The following WAC variants were observed in gnomAD, a reference collection of about 807,000 sequenced individuals.
WAC encodes WW domain containing adaptor with coiled-coil.
In WAC, 11 loss-of-function variants were observed where a neutral mutation model predicts 79.6. That is an observed-to-expected ratio of 0.14 (90% CI 0.09 to 0.23). WAC has a LOEUF of 0.23. WAC is among the 10% of genes least tolerant of loss of function. The pLI, the probability that WAC is intolerant of heterozygous loss-of-function variation, is 1.00. For missense variants in WAC, 728 were observed against 773.5 expected, an observed-to-expected ratio of 0.94 and a Z score of 0.70; for synonymous variants, 304 against 276.9, an observed-to-expected ratio of 1.10 and a Z score of -0.97.
chr10:28,533,839 C>A, intron 1 of WAC, 159 bp from the exon 2 acceptor site: 2 of 1,047,392 alleles, frequency 1.9e-6, no homozygotes, highest in Non-Finnish European at 2.7e-6. Context: ...TCCGGCCCTT[C>A]CGGAGGCTCC....
chr10:28,581,238 CTTTTTTTTTTTTT>C (rs71391053), intron 3 of WAC, among the ~76,000 whole-genome samples: 15 of 66,090 alleles, frequency 2.3e-4, no homozygotes, highest in African/African-American at 6.2e-4. Context: ...ATGAGCGATT[CTTTTTTTTTTTTT>C]TTTTTTTTTT....
intron 3 of WAC, among the ~76,000 whole-genome samples, chr10:28,556,658 C>A (rs1002256853): frequency 6.6e-6 from 1 of 151,680 alleles, no homozygotes; most frequent in Admixed American, 6.6e-5. Flanking sequence ...GCTGTTTTGT[C>A]CCCTATGTTT....
chr10:28,574,960 A>G lies in WAC; in HGVS notation c.275-8439A>G, dbSNP rs190622207. On this transcript the variant is annotated intron_variant, in intron 3 of 13. Transcript: ENST00000354911. The stretch of plus-strand genomic sequence containing the variant: ...GATGTTTGAATGAATGAATGAATCA[A>G]TGAATCAAAGAAAAAGTTACATTAA... Among the ~76,000 whole-genome samples the G allele has an allele frequency of 1.0e-4, 15 of 150,094 alleles. No individual in the cohort carries two copies. In the East Asian group the frequency reaches 1.2e-3, roughly 12 times the overall value.
At chr10:28,601,527 T>G (rs1840647918) in intron 7 of WAC, among the ~76,000 whole-genome samples, 2 of 152,168 alleles carry the variant, frequency 1.3e-5, no homozygotes, top group Non-Finnish European at 2.9e-5. Context: ...TTAAACAGAA[T>G]TATGTGTAGG....
intron 3 of WAC, among the ~76,000 whole-genome samples, chr10:28,580,129 C>T (rs1251516231): frequency 6.6e-6 from 1 of 152,198 alleles, no homozygotes; most frequent in African/African-American, 2.4e-5. Flanking sequence ...ATTTCCCCAT[C>T]AACAACTGAT....
chr10:28,561,361 C>T (rs924345589), intron 3 of WAC, among the ~76,000 whole-genome samples: 8 of 152,194 alleles, frequency 5.3e-5, no homozygotes, highest in African/African-American at 1.9e-4. Context: ...TAACCCTTCT[C>T]TTCCCAGAAT....
At chr10:28,567,169 C>G (rs1416605411) in intron 3 of WAC, among the ~76,000 whole-genome samples, 1 of 151,482 alleles carries the variant, frequency 6.6e-6, no homozygotes, top group Non-Finnish European at 1.5e-5. Flanking sequence ...TCCTTAAGTT[C>G]CTCTAAATTC....
chr10:28,612,234 C>T (rs1420135192), intron 10 of WAC, among the ~76,000 whole-genome samples: 1 of 152,192 alleles, frequency 6.6e-6, no homozygotes, highest in African/African-American at 2.4e-5. Context: ...CTCCAAAAGA[C>T]ATGAATGAAC....
rs534405615 is a variant in WAC, at chr10:28,539,216, C to T, written c.274+3459C>T. 3.4e-4 allele frequency among the ~76,000 whole-genome samples: 52 copies of T among 152,210 alleles called. No individual in the cohort carries two copies. The East Asian group carries it at 6.6e-3, about 19-fold the overall frequency. On this transcript the variant is annotated intron_variant, in intron 3 of 13. Transcript: ENST00000354911. ...CTAGATTTCTTAGCATCTTGGATTT[C>T]ATTGAAAAATGCTCGTTCAGAAGTA...
chr10:28,589,943 T>C (rs1840003282), intron 5 of WAC, 92 bp downstream of exon 5: 1 of 902,548 alleles, frequency 1.1e-6, no homozygotes, highest in Non-Finnish European at 1.8e-6. Context: ...ATTTAGCTTT[T>C]TTATAGTGCT....
intron 3 of WAC, among the ~76,000 whole-genome samples, chr10:28,552,281 T>G (rs1212553167): frequency 6.6e-6 from 1 of 152,234 alleles, no homozygotes; most frequent in African/African-American, 2.4e-5. Flanking sequence ...TGCAGTGATG[T>G]ATCGTTATGG....
chr10:28,611,385 G>A (rs1272882627), intron 9 of WAC: 1 of 1,299,878 alleles, frequency 7.7e-7, no homozygotes, highest in African/African-American at 1.5e-5. Context: ...GTATAATGGT[G>A]CAAAGACTCT....
chr10:28,573,790 G>C (rs1839101356), intron 3 of WAC, among the ~76,000 whole-genome samples: 1 of 152,100 alleles, frequency 6.6e-6, no homozygotes, highest in Non-Finnish European at 1.5e-5. Context: ...TTCACAGTTA[G>C]TAGTCACCAA....
At chr10:28,537,781 T>C (rs888938131) in intron 3 of WAC, 1 of 152,246 alleles carries the variant, frequency 6.6e-6, no homozygotes, top group African/African-American at 2.4e-5. Context: ...TTCTTCACTT[T>C]GATTTTTTCA....
rs893593135 is a variant in WAC at position 28,614,153 on chromosome 10, G to A, written c.1438-414G>A. Among the ~76,000 whole-genome samples, 5 of 151,744 alleles carry A rather than the reference G, an allele frequency of 3.3e-5. No homozygotes were observed. In the East Asian group the frequency reaches 5.8e-4, roughly 18 times the overall value. ...CGGAGTCTCGTTCTGTCGCCCAGGC[G>A]GGAGTGCTGTGGCGCGATCTCCGCT... On this transcript the variant is annotated intron_variant, in intron 10 of 13. Transcript: ENST00000354911.
At chr10:28,566,212 A>G (rs954907151) in intron 3 of WAC, among the ~76,000 whole-genome samples, 1 of 152,200 alleles carries the variant, frequency 6.6e-6, no homozygotes, top group African/African-American at 2.4e-5. Context: ...TTTGGCATAT[A>G]ATAAATGTTC....
chr10:28,604,587 G>A (rs187812105), intron 7 of WAC, among the ~76,000 whole-genome samples: 304 of 152,152 alleles, frequency 2.0e-3, no homozygotes, highest in Middle Eastern at 0.01. Context: ...CAAAAAATTC[G>A]CTGGGTGTGG....
At chr10:28,573,449 T>A (rs1839084767) in intron 3 of WAC, among the ~76,000 whole-genome samples, 1 of 152,180 alleles carries the variant, frequency 6.6e-6, no homozygotes, top group African/African-American at 2.4e-5. Context: ...TCACCCATAT[T>A]GTTTTACATA....
At chr10:28,544,185 T>A (rs1188388326) in intron 3 of WAC, among the ~76,000 whole-genome samples, 1 of 152,226 alleles carries the variant, frequency 6.6e-6, no homozygotes, top group African/African-American at 2.4e-5. Flanking sequence ...GCCCACTTCT[T>A]TCCAGATTTT....
Sources: allele counts gnomAD v4.1 joint callset (sites outside exome capture counted in the v4.1 genomes callset), GRCh38; gene constraint gnomAD v4.1.1; transcripts MANE v1.5; gene names NCBI Gene and HGNC (gene_info 2026-07-23, HGNC 2026-07-21).